Variants in OSBPL7 observed in about 807,000 individuals in gnomAD.
OSBPL7 encodes oxysterol-binding protein-related protein 7.
A neutral mutation model predicts 115.8 loss-of-function variants in OSBPL7; 66 were observed. That is an observed-to-expected ratio of 0.57 (90% CI 0.47 to 0.70). The LOEUF is 0.70. Ranked by LOEUF, OSBPL7 falls within the 30% of genes least tolerant of loss-of-function variation. The probability of loss-of-function intolerance (pLI) is 0.00; values close to 1 mark genes in which losing one functional copy is unlikely to be tolerated. For synonymous variants in OSBPL7, 441 were observed against 439.2 expected, an observed-to-expected ratio of 1.00 and a Z score of -0.05; for missense variants, 902 against 1,125.5, an observed-to-expected ratio of 0.80 and a Z score of 2.84.
Position 47,808,487 on chromosome 17 carries a change from T to A in OSBPL7, c.2420+51A>T. 1.2e-6 allele frequency: 2 copies of A among 1,613,960 alleles called. No individual in the cohort carries two copies. Among genetic ancestry groups the A allele is most frequent in the Non-Finnish European group, 1.7e-6 (2 of 1,179,898 alleles). On this transcript the variant is annotated intron_variant, in intron 22 of 22. Coordinates refer to ENST00000007414, the MANE Select transcript of OSBPL7 (RefSeq NM_145798.3). This position sits in a 1 kb window ranked among gnomAD's most constrained non-coding sequence, Gnocchi z 6.1. ...GTGCTGCCTCCCACACCTGCCCTGCTCCAAGCAGGGCTCATGGGGAGACCC... is the reference window on the plus strand; with the variant it reads ...GTGCTGCCTCCCACACCTGCCCTGCACCAAGCAGGGCTCATGGGGAGACCC...
chr17:47,819,549 C>G, intron 4 of OSBPL7, 180 bp downstream of exon 4: 1 of 705,688 alleles, frequency 1.4e-6, no homozygotes. Context: ...GGATGGTGCT[C>G]TCCCATTAGA....
intron 7 of OSBPL7, among the ~76,000 whole-genome samples, chr17:47,817,622 C>T (rs1318402566): frequency 1.3e-5 from 2 of 152,158 alleles, no homozygotes. Flanking sequence ...AACTCCTGAC[C>T]TCAGGTGATC....
At chr17:47,810,736 C>T (rs1307534449) in intron 17 of OSBPL7, 36 bp downstream of exon 17, 1 of 1,613,294 alleles carries the variant, frequency 6.2e-7, no homozygotes, top group South Asian at 1.1e-5. Context: ...GTTCCCTTTG[C>T]CCAGGGCCAC....
At chr17:47,813,125 G>T (rs578049680) in intron 16 of OSBPL7, 141 bp downstream of exon 16, 2 of 1,142,826 alleles carry the variant, frequency 1.8e-6, no homozygotes, top group Admixed American at 2.7e-5. Flanking sequence ...TGGGCCAGGA[G>T]CACCGCAGAG....
chr17:47,821,711 TG>T lies in OSBPL7; in HGVS notation c.-134del. On this transcript the variant is annotated 5_prime_UTR_variant, in exon 1 of 23. Coordinates refer to ENST00000007414, the MANE Select transcript of OSBPL7 (RefSeq NM_145798.3). ...GTACTCCTTGGCCCTTGCGCCGCTC[TG>T]CCTCTGAGTCACCGTCTCCGAGTCA... The T allele has an allele frequency of 6.6e-6, 1 of 152,472 alleles. No homozygotes were observed. The allele number at this position is 152,472 out of a possible 1,614,324, so 9.4% of individuals were successfully genotyped here. A position where few individuals can be genotyped will look rare whatever the true frequency, so the allele number is the denominator to read the frequency against.
chr17:47,813,238 G>A (rs376006267), intron 16 of OSBPL7, 28 bp downstream of exon 16: 1 of 1,612,634 alleles, frequency 6.2e-7, no homozygotes, highest in African/African-American at 1.3e-5. Context: ...AGACACCCAA[G>A]GCCAGCCCTC....
intron 16 of OSBPL7, among the ~76,000 whole-genome samples, chr17:47,812,480 A>G (rs1265035649): frequency 1.3e-5 from 2 of 151,422 alleles, no homozygotes; most frequent in Non-Finnish European, 3.0e-5. Flanking sequence ...AGTCGAGCCC[A>G]CATAGTGTGT....
chr17:47,813,307 A>G lies in OSBPL7; in HGVS notation c.1696T>C (p.Cys566Arg). 1 of 1,613,492 alleles carries G rather than the reference A, an allele frequency of 6.2e-7. No homozygotes were observed. The highest frequency in any genetic ancestry group is 8.5e-7 in the Non-Finnish European group (1 of 1,179,888). Reference protein sequence around the residue: ...FNPVLGETYECERPDRGFRFI... With the variant: ...FNPVLGETYERERPDRGFRFI... The stretch of plus-strand genomic sequence containing the variant: ...CGGAAGCCTCGGTCAGGCCGCTCAC[A>G]CTCGTAGGTCTCCCCCAGGACAGGG... The change falls in exon 16 of 23, where the codon TGT becomes CGT. Residue 566 changes from cysteine to arginine, a missense_variant. By Grantham distance (180) the Cys-to-Arg change is radical. Coordinates refer to ENST00000007414, the MANE Select transcript of OSBPL7 (RefSeq NM_145798.3).
intron 8 of OSBPL7, 180 bp from the exon 9 acceptor site, chr17:47,817,052 G>A: frequency 1.4e-6 from 1 of 723,282 alleles, no homozygotes; most frequent in Non-Finnish European, 2.4e-6. Flanking sequence ...AGTGGAAGAT[G>A]ACAGCCACCC....
intron 8 of OSBPL7, 79 bp downstream of exon 8, chr17:47,817,177 A>G (rs2033248599): frequency 8.7e-7 from 1 of 1,149,044 alleles, no homozygotes; most frequent in African/African-American, 1.6e-5. Flanking sequence ...GCAGCGATGT[A>G]GGAGGAATAG....
At chr17:47,811,687 G>C (rs531249756) in intron 16 of OSBPL7, among the ~76,000 whole-genome samples, 5 of 152,358 alleles carry the variant, frequency 3.3e-5, no homozygotes, top group Non-Finnish European at 7.3e-5. Context: ...CAGAACAGAA[G>C]TGGGTCAGGG....
chr17:47,809,486 A>T lies in OSBPL7; in HGVS notation c.1881-8T>A, dbSNP rs1310465310. On this transcript the variant is annotated splice_region_variant and splice_polypyrimidine_tract_variant and intron_variant, in intron 18 of 22. Coordinates refer to ENST00000007414, the MANE Select transcript of OSBPL7 (RefSeq NM_145798.3). ...TCAAAGTGGTCCCCAAACCTGAGAA[A>T]GACAAGGTATGGAAGGGCAGCTGGC... The T allele has an allele frequency of 6.2e-7, 1 of 1,609,452 alleles. No individual in the cohort carries two copies. Among genetic ancestry groups the T allele is most frequent in the Non-Finnish European group, 8.5e-7 (1 of 1,176,190 alleles).
chr17:47,809,537 G>C, intron 18 of OSBPL7, 59 bp from the exon 19 acceptor site: 1 of 1,573,880 alleles, frequency 6.4e-7, no homozygotes, highest in Non-Finnish European at 8.7e-7. Context: ...AGTGAGTCAG[G>C]GGCCTCCTGT....
In OSBPL7 at chr17:47,818,557, G is replaced by T. The variant is rs768966843; in HGVS notation, c.429C>A (p.Ala143=). Residue 143 remains alanine (A), a synonymous_variant, in exon 6 of 23, where the codon GCC becomes GCA. Coordinates refer to ENST00000007414, the MANE Select transcript of OSBPL7 (RefSeq NM_145798.3). The part of the protein sequence containing the change: ...WVAQLRAHRL[A]HRLDMPRGSL... Reference sequence around the variant, plus strand: ...AGCCACGGGGCATGTCCAGGCGGTGGGCTAGGCGGTGGGCACGCAGCTGCG... The same window carrying T: ...AGCCACGGGGCATGTCCAGGCGGTGTGCTAGGCGGTGGGCACGCAGCTGCG... 2 of 1,612,092 alleles carry T rather than the reference G, an allele frequency of 1.2e-6. No homozygotes were observed. The highest frequency in any genetic ancestry group is 1.7e-6 in the Non-Finnish European group (2 of 1,179,084).
rs1890976996 is a variant in OSBPL7 at position 47,816,291 on chromosome 17, C to T, written c.1024-89G>A. The T allele has an allele frequency of 2.7e-5, 40 of 1,496,202 alleles. No individual in the cohort carries two copies. Among genetic ancestry groups the T allele is most frequent in the Non-Finnish European group, 3.5e-5 (39 of 1,110,832 alleles). The allele number at this position is 1,496,202 out of a possible 1,614,324, so 92.7% of individuals were successfully genotyped here. A position where few individuals can be genotyped will look rare whatever the true frequency, so the allele number is the denominator to read the frequency against. On this transcript the variant is annotated intron_variant, in intron 11 of 22. Transcript: ENST00000007414. This position sits in a 1 kb window ranked among gnomAD's most constrained non-coding sequence, Gnocchi z 5.8. ...TCTGCAGAGACTGCCTCTGCCAACC[C>T]CCCACCCTGACCCAGATCTGCTATC...
Position 47,819,117 on chromosome 17 carries a change from G to A in OSBPL7, c.256-18C>T. 3 of 1,604,132 alleles carry A rather than the reference G, an allele frequency of 1.9e-6. No homozygotes were observed. Among genetic ancestry groups the A allele is most frequent in the Middle Eastern group, 1.7e-4 (1 of 6,040 alleles). ...TTGGTGATCTGGGGGTGAAGTGTTGGTAGAGGGAGAGGGGACCTGTTTTAG... is the reference window on the plus strand; with the variant it reads ...TTGGTGATCTGGGGGTGAAGTGTTGATAGAGGGAGAGGGGACCTGTTTTAG... On this transcript the variant is annotated intron_variant, in intron 4 of 22. Coordinates refer to ENST00000007414, the MANE Select transcript of OSBPL7 (RefSeq NM_145798.3).
chr17:47,812,016 T>C (rs2033058524), intron 16 of OSBPL7, among the ~76,000 whole-genome samples: 1 of 151,768 alleles, frequency 6.6e-6, no homozygotes, highest in African/African-American at 2.4e-5. Context: ...ATCTTCACCA[T>C]GTTTCCAAAA....
chr17:47,819,058 C>T lies in OSBPL7; in HGVS notation c.297G>A (p.Leu99=). The T allele has an allele frequency of 1.2e-6, 2 of 1,614,132 alleles. No individual in the cohort carries two copies. The highest frequency in any genetic ancestry group is 1.1e-5 in the South Asian group (1 of 91,074). The change falls in exon 5 of 23, where the codon CTG becomes CTA. Residue 99 remains leucine, a synonymous_variant. Transcript: ENST00000007414. ...GKLHGSIDVR[L]SVMSINKKAQ... ...CCTTTTTGTTGATGGACATGACCGA[C>T]AGCCGGACATCGATGGAGCCATGGA...
Position 47,810,761 on chromosome 17 carries a change from C to A in OSBPL7, c.1801+11G>T. 1 of 1,613,984 alleles carries A rather than the reference C, an allele frequency of 6.2e-7. No homozygotes were observed. Reference sequence around the variant, plus strand: ...CCCAGGGCCACCCCGGCCCTGCCCTCTACTCCTCACCTTGCCAGAAGGCGA... The same window carrying A: ...CCCAGGGCCACCCCGGCCCTGCCCTATACTCCTCACCTTGCCAGAAGGCGA... On this transcript the variant is annotated intron_variant, in intron 17 of 22. Transcript: ENST00000007414.
Sources: allele counts gnomAD v4.1 joint callset (sites outside exome capture counted in the v4.1 genomes callset), GRCh38; gene constraint gnomAD v4.1.1; non-coding constraint Gnocchi (gnomAD v3.1); transcripts MANE v1.5; gene names NCBI Gene and HGNC (gene_info 2026-07-23, HGNC 2026-07-21).